Variants in PTPRS observed in about 807,000 individuals in gnomAD.
The protein encoded by PTPRS is receptor-type tyrosine-protein phosphatase S.
In PTPRS, 63 loss-of-function variants were observed where a neutral mutation model predicts 215.3. The ratio of observed to expected loss-of-function variants is 0.29; its 90% CI spans 0.24 to 0.36. PTPRS has a LOEUF of 0.36. Among genes scored for constraint, PTPRS ranks in the 10% least tolerant of loss-of-function variants. PTPRS has a pLI of 1.00. For synonymous variants in PTPRS, 1,404 were observed against 1,191.4 expected, an observed-to-expected ratio of 1.18 and a Z score of -3.68; for missense variants, 2,258 against 2,825.8, an observed-to-expected ratio of 0.80 and a Z score of 4.56.
chr19:5,288,034 T>C (rs2048511169), intron 1 of PTPRS, among the ~76,000 whole-genome samples: 2 of 144,312 alleles, frequency 1.4e-5, no homozygotes, highest in African/African-American at 2.6e-5. Context: ...AACTTGCACA[T>C]AGTCAGACCA....
At position 5,295,060 on chromosome 19, in the gene PTPRS, G is replaced by A. The variant is rs1164591808; in HGVS notation, c.-94-8826C>T. On this transcript the variant is annotated intron_variant, in intron 1 of 37. Coordinates refer to ENST00000262963, the MANE Select transcript of PTPRS (RefSeq NM_002850.4). The surrounding 1 kb of genome is among the most constrained non-coding windows in gnomAD (Gnocchi z 4.6). ...TGGCTGGGCACACAGTGGGCCCTCA[G>A]GAGCAGAGTAGGCACCTTGCTTGTA... Among the ~76,000 whole-genome samples, 1 of 152,180 alleles carries A rather than the reference G, an allele frequency of 6.6e-6. No homozygotes were observed. The highest frequency in any genetic ancestry group is 1.5e-5 in the Non-Finnish European group (1 of 68,036).
chr19:5,285,925 G>T (rs1273371865), intron 2 of PTPRS, 125 bp downstream of exon 2: 2 of 772,716 alleles, frequency 2.6e-6, no homozygotes, highest in Non-Finnish European at 4.2e-6. Context: ...GAGCATAAAA[G>T]TTCCATTTGG....
At chr19:5,240,514 C>T (rs1047344819) in intron 11 of PTPRS, among the ~76,000 whole-genome samples, 182 bp from the exon 12 acceptor site, 1 of 152,214 alleles carries the variant, frequency 6.6e-6, no homozygotes, top group African/African-American at 2.4e-5. Flanking sequence ...CCTCCATCCT[C>T]TCTTCTTCCA....
intron 11 of PTPRS, among the ~76,000 whole-genome samples, chr19:5,242,607 G>A (rs1237972779): frequency 6.6e-6 from 1 of 150,684 alleles, no homozygotes; most frequent in African/African-American, 2.4e-5. Context: ...TCAAACTCCT[G>A]ACCTCAGGTG....
In PTPRS at chr19:5,293,266, T is replaced by A. The variant is rs75619911; in HGVS notation, c.-94-7032A>T. The A allele has an allele frequency of 7.5e-5, 8 of 106,890 alleles. No homozygotes were observed. The highest frequency in any genetic ancestry group is 2.7e-4 in the African/African-American group (7 of 25,982). The allele number at this position is 106,890 out of a possible 1,614,324, so 6.6% of individuals were successfully genotyped here. On this transcript the variant is annotated intron_variant, in intron 1 of 37. Coordinates refer to ENST00000262963, the MANE Select transcript of PTPRS (RefSeq NM_002850.4). This position sits in a 1 kb window ranked among gnomAD's most constrained non-coding sequence, Gnocchi z 8.4. ...CGAAGACTCGGGAGAGGCCTCGGCC[T>A]GGGGAGCTCGGCCTGGGGGCGGGGC...
Position 5,207,947 on chromosome 19 carries a change from T to C in PTPRS, c.5753A>G (p.Gln1918Arg). Residue 1918 changes from glutamine (Q) to arginine (R), a missense_variant, in exon 37 of 38, where the codon CAG (glutamine) becomes CGG (arginine). By Grantham distance (43) the Gln-to-Arg change is conservative. Coordinates refer to ENST00000262963, the MANE Select transcript of PTPRS (RefSeq NM_002850.4). ...IFQTVKMLRT[Q>R]RPAMVQTEDE... ...CTCTGTCTGCACCATGGCCGGCCGC[T>C]GGGTTCGTAGCATCTTCACCGTCTG... The C allele has an allele frequency of 6.2e-7, 1 of 1,613,996 alleles. No homozygotes were observed.
At chr19:5,305,746 A>AATAAATATATATATAT (rs71172708) in intron 1 of PTPRS, among the ~76,000 whole-genome samples, 6 of 105,742 alleles carry the variant, frequency 5.7e-5, no homozygotes, top group Non-Finnish European at 9.3e-5. Flanking sequence ...TAAATAAATA[A>AATAAATATATATATAT]ATATATATAT....
At position 5,239,032 on chromosome 19, in the gene PTPRS, TAGGA is replaced by T; in HGVS notation, c.1732_1735del (p.Ser578ThrfsTer6). ...GTTGGGCTTCAGGTCCTCCACCACG[TAGGA>T]AGTCGTCGGGTCGAAGGTCCTTCCC... On this transcript the variant is annotated frameshift_variant, in exon 13 of 38. Coordinates refer to ENST00000262963, the MANE Select transcript of PTPRS (RefSeq NM_002850.4). LOFTEE classifies it high-confidence loss of function. 6.2e-7 allele frequency: 1 copy of T among 1,612,010 alleles called. No individual in the cohort carries two copies.
intron 1 of PTPRS, among the ~76,000 whole-genome samples, chr19:5,340,112 G>A (rs1310834135): frequency 6.6e-6 from 1 of 151,722 alleles, no homozygotes; most frequent in East Asian, 2.0e-4. Flanking sequence ...GGCGGCGGGC[G>A]CAGCAGCCCT....
intron 18 of PTPRS, 56 bp from the exon 19 acceptor site, chr19:5,222,276 T>A: frequency 7.0e-7 from 1 of 1,421,446 alleles, no homozygotes; most frequent in Non-Finnish European, 9.9e-7. Context: ...CATGAGTGCC[T>A]GGCACTGGGT....
At chr19:5,226,114 GAC>G (rs1392866938) in intron 16 of PTPRS, among the ~76,000 whole-genome samples, 1 of 152,090 alleles carries the variant, frequency 6.6e-6, no homozygotes, top group East Asian at 1.9e-4. Flanking sequence ...CATCACCCCC[GAC>G]AGTCTGTCCT....
At chr19:5,271,328 C>T (rs988210204) in intron 4 of PTPRS, among the ~76,000 whole-genome samples, 2 of 152,134 alleles carry the variant, frequency 1.3e-5, no homozygotes, top group Admixed American at 6.6e-5. Context: ...TAATCTTGCT[C>T]CCTGTATCAC....
intron 2 of PTPRS, among the ~76,000 whole-genome samples, chr19:5,281,762 G>C (rs182166813): frequency 1.3e-5 from 2 of 152,156 alleles, no homozygotes; most frequent in African/African-American, 4.8e-5. Flanking sequence ...TGGAAGGAAG[G>C]GCAGAAGCTG....
intron 1 of PTPRS, among the ~76,000 whole-genome samples, chr19:5,301,418 C>T (rs565849082): frequency 1.3e-5 from 2 of 151,246 alleles, no homozygotes; most frequent in African/African-American, 2.4e-5. Context: ...CAGGTTCAAT[C>T]GATTCTCCTG....
intron 16 of PTPRS, among the ~76,000 whole-genome samples, chr19:5,228,457 T>C (rs1203144442): frequency 6.6e-6 from 1 of 151,644 alleles, no homozygotes; most frequent in East Asian, 1.9e-4. Context: ...ACGATTCTCC[T>C]GCCTCAGCCT....
intron 12 of PTPRS, among the ~76,000 whole-genome samples, chr19:5,239,485 A>G (rs1467318439): frequency 1.3e-5 from 2 of 151,986 alleles, no homozygotes; most frequent in African/African-American, 2.4e-5. Flanking sequence ...AGAGAGATAC[A>G]GAGACAGACA....
chr19:5,211,910 G>A (rs770522726), intron 32 of PTPRS, 55 bp downstream of exon 32: 33 of 1,544,110 alleles, frequency 2.1e-5, no homozygotes, highest in East Asian at 9.4e-5. Context: ...CCTGATTTTC[G>A]GCTCTTTGGG....
Position 5,269,957 on chromosome 19 carries a change from G to A in PTPRS, c.379+3485C>T, listed in dbSNP as rs567408189. ...AAAAAAAAAAAGAGTGTGGATGGGCGCAGGGGGCATTTTTTTCCCAGACTC... is the reference window on the plus strand; with the variant it reads ...AAAAAAAAAAAGAGTGTGGATGGGCACAGGGGGCATTTTTTTCCCAGACTC... On this transcript the variant is annotated intron_variant, in intron 4 of 37. Coordinates refer to ENST00000262963, the MANE Select transcript of PTPRS (RefSeq NM_002850.4). 2.3e-4 allele frequency among the ~76,000 whole-genome samples: 34 copies of A among 150,966 alleles called. 1 individual carries two copies. The highest frequency in any genetic ancestry group is 6.3e-4 in the African/African-American group (26 of 41,108).
intron 9 of PTPRS, 144 bp from the exon 10 acceptor site, chr19:5,246,189 A>T (rs930425690): frequency 1.2e-5 from 6 of 480,622 alleles, no homozygotes; most frequent in Non-Finnish European, 1.7e-5. Flanking sequence ...AAAAGAAAAA[A>T]AAAGGAAAAC....
Sources: gnomAD v4.1 joint callset for allele counts (sites outside exome capture counted in the v4.1 genomes callset) on GRCh38, gnomAD v4.1.1 for gene constraint, Gnocchi (gnomAD v3.1) non-coding constraint, MANE v1.5 for transcripts, NCBI Gene and HGNC (gene_info 2026-07-23, HGNC 2026-07-21) for gene names.